Variants in SPMIP7 observed in about 807,000 individuals in gnomAD.
The protein encoded by SPMIP7 is protein SPMIP7.
chr7:50,115,547 A>G, the SPMIP7 span, among the ~76,000 whole-genome samples: 4 of 152,214 alleles, frequency 2.6e-5, no homozygotes, highest in Admixed American at 6.5e-5. Context: ...CAAAAAATTG[A>G]AATTATAGAA....
chr7:50,114,751 C>T, the SPMIP7 span, among the ~76,000 whole-genome samples: 8,304 of 152,012 alleles, frequency 0.055, 246 homozygotes, highest in South Asian at 0.1. Context: ...AAGACCCAGC[C>T]GGGTGAGGTG....
chr7:50,104,356 A>G, the SPMIP7 span: 1 of 1,542,574 alleles, frequency 6.5e-7, no homozygotes, highest in East Asian at 2.5e-5. Flanking sequence ...CAACCTCATC[A>G]TGAAGGACGC....
chr7:50,114,824 G>T, the SPMIP7 span, among the ~76,000 whole-genome samples: 2 of 152,138 alleles, frequency 1.3e-5, no homozygotes, highest in Non-Finnish European at 2.9e-5. Context: ...GAGGTCAGGA[G>T]TTCAAGACCA....
chr7:50,134,463 T>C, the SPMIP7 span, among the ~76,000 whole-genome samples: 127,322 of 152,162 alleles, frequency 0.84, 53,323 homozygotes, highest in East Asian at 0.92. Flanking sequence ...AATACTTTGA[T>C]GTTTTCAATA....
the SPMIP7 span, among the ~76,000 whole-genome samples, chr7:50,130,241 C>A: frequency 0.29 from 43,365 of 151,946 alleles, 7,836 homozygotes; most frequent in Non-Finnish European, 0.42. Flanking sequence ...TAAAGACATA[C>A]CAGAGACTAG....
At chr7:50,102,435 C>A in the SPMIP7 span, among the ~76,000 whole-genome samples, 1 of 152,128 alleles carries the variant, frequency 6.6e-6, no homozygotes, top group Non-Finnish European at 1.5e-5. Context: ...CAGTTTCTTC[C>A]ATCTAAACTG....
At chr7:50,140,155 T>C in the SPMIP7 span, 3 of 1,505,644 alleles carry the variant, frequency 2.0e-6, no homozygotes, top group South Asian at 2.6e-5. Context: ...GTTCAAGTTC[T>C]AGAAGTAAAT....
At chr7:50,157,796 C>T in the SPMIP7 span, among the ~76,000 whole-genome samples, 150,430 of 152,300 alleles carry the variant, frequency 0.99, 74,328 homozygotes, top group East Asian at 1. Context: ...ACTCCTGTGA[C>T]ACTAGGATAG....
At chr7:50,149,964 C>T in the SPMIP7 span, among the ~76,000 whole-genome samples, 275 of 152,268 alleles carry the variant, frequency 1.8e-3, no homozygotes, top group African/African-American at 6.2e-3. Flanking sequence ...AAGACTATGT[C>T]CAGTCCAGAT....
the SPMIP7 span, among the ~76,000 whole-genome samples, chr7:50,158,211 C>G: frequency 6.6e-6 from 1 of 151,538 alleles, no homozygotes; most frequent in Non-Finnish European, 1.5e-5. Flanking sequence ...ACCCTTCCAC[C>G]CATGTCTTCT....
the SPMIP7 span, among the ~76,000 whole-genome samples, chr7:50,103,096 G>A: frequency 1.3e-5 from 2 of 149,572 alleles, no homozygotes; most frequent in Non-Finnish European, 3.0e-5. Flanking sequence ...GGTGGCATCT[G>A]TGATAGAGCT....
At chr7:50,148,027 A>G in the SPMIP7 span, among the ~76,000 whole-genome samples, 1 of 152,162 alleles carries the variant, frequency 6.6e-6, no homozygotes, top group Non-Finnish European at 1.5e-5. Flanking sequence ...TGTTCCCTCC[A>G]GCTGAAAAAT....
At chr7:50,142,247 T>G in the SPMIP7 span, 1 of 152,340 alleles carries the variant, frequency 6.6e-6, no homozygotes, top group East Asian at 1.9e-4. Context: ...GATACGTATA[T>G]CTAAATTTTG....
At chr7:50,137,367 G>A in the SPMIP7 span, among the ~76,000 whole-genome samples, 1 of 151,928 alleles carries the variant, frequency 6.6e-6, no homozygotes, top group Non-Finnish European at 1.5e-5. Flanking sequence ...GTGTTTCTAG[G>A]AGTTTGTTTT....
At chr7:50,104,959 G>A in the SPMIP7 span, among the ~76,000 whole-genome samples, 1 of 152,116 alleles carries the variant, frequency 6.6e-6, no homozygotes, top group Non-Finnish European at 1.5e-5. Context: ...TCCTTAACAA[G>A]TAGTGTTGTT....
the SPMIP7 span, among the ~76,000 whole-genome samples, chr7:50,115,330 G>GGT: frequency 6.6e-6 from 1 of 152,062 alleles, no homozygotes; most frequent in Admixed American, 6.6e-5. Context: ...AAACTTATAG[G>GGT]ACTGAAAGGC....
At chr7:50,125,147 CACACATATATATACACATATAT>C in the SPMIP7 span, among the ~76,000 whole-genome samples, 14 of 108,456 alleles carry the variant, frequency 1.3e-4, 1 homozygote, top group Admixed American at 3.0e-4. Context: ...CACACATATA[CACACATATATATACACATATAT>C]ACACATATAT....
chr7:50,142,362 G>T, the SPMIP7 span: 1 of 152,172 alleles, frequency 6.6e-6, no homozygotes, highest in Non-Finnish European at 1.5e-5. Flanking sequence ...AAGATTTGGT[G>T]TAAAAATGAA....
the SPMIP7 span, among the ~76,000 whole-genome samples, chr7:50,125,119 C>T: frequency 0.2 from 10,906 of 54,494 alleles, 2,303 homozygotes; most frequent in Non-Finnish European, 0.29. Context: ...TATATATACA[C>T]ACACACACAC....
Sources: gnomAD v4.1 joint callset for allele counts (sites outside exome capture counted in the v4.1 genomes callset) on GRCh38, gnomAD v4.1.1 for gene constraint, MANE v1.5 for transcripts, NCBI Gene and HGNC (gene_info 2026-07-23, HGNC 2026-07-21) for gene names.